Variants in DNM3 observed in about 807,000 individuals in gnomAD.
DNM3 encodes dynamin-3.
In DNM3, 47 loss-of-function variants were observed where a neutral mutation model predicts 101.6. That is an observed-to-expected ratio of 0.46 (90% confidence interval 0.37 to 0.59). The LOEUF (loss-of-function observed/expected upper bound fraction) is 0.59, where lower values mean the gene tolerates loss of function less well. DNM3 is among the 20% of genes least tolerant of loss of function. The pLI, the probability that DNM3 is intolerant of heterozygous loss-of-function variation, is 0.00. For missense variants in DNM3, 849 were observed against 1,085.7 expected, an observed-to-expected ratio of 0.78 and a Z score of 3.06; for synonymous variants, 385 against 387.9, an observed-to-expected ratio of 0.99 and a Z score of 0.09.
At chr1:172,050,835 A>G (rs971139861) in intron 10 of DNM3, among the ~76,000 whole-genome samples, 1 of 152,194 alleles carries the variant, frequency 6.6e-6, no homozygotes, top group Non-Finnish European at 1.5e-5. Flanking sequence ...ACATGTGTGG[A>G]CATTTATGTT....
intron 14 of DNM3, among the ~76,000 whole-genome samples, chr1:172,214,045 G>A (rs765338444): frequency 6.6e-6 from 1 of 152,062 alleles, no homozygotes; most frequent in Non-Finnish European, 1.5e-5. Context: ...AACTGCCAAA[G>A]GAATCACTTA....
intron 1 of DNM3, among the ~76,000 whole-genome samples, chr1:171,894,469 A>G (rs2037591083): frequency 6.6e-6 from 1 of 151,594 alleles, no homozygotes; most frequent in South Asian, 2.1e-4. Flanking sequence ...CAGTGGCATG[A>G]TCTCGGCTCA....
intron 14 of DNM3, among the ~76,000 whole-genome samples, chr1:172,135,126 G>A (rs2057144851): frequency 6.6e-6 from 1 of 152,086 alleles, no homozygotes; most frequent in Admixed American, 6.6e-5. Flanking sequence ...TGAGTTGTTG[G>A]AATTTGATAA....
intron 1 of DNM3, among the ~76,000 whole-genome samples, chr1:171,874,798 T>C (rs2035609570): frequency 6.6e-6 from 1 of 151,468 alleles, no homozygotes; most frequent in Non-Finnish European, 1.5e-5. Flanking sequence ...ATCCAGTAGG[T>C]AGTTTTTCAG....
chr1:172,117,460 G>A (rs1409684638), intron 13 of DNM3, among the ~76,000 whole-genome samples: 1 of 152,308 alleles, frequency 6.6e-6, no homozygotes, highest in Admixed American at 6.5e-5. Context: ...ATGATAGTGA[G>A]TAAGTCTCTC....
chr1:171,943,238 C>A (rs1174492974), intron 2 of DNM3, among the ~76,000 whole-genome samples: 8 of 152,216 alleles, frequency 5.3e-5, no homozygotes, highest in Admixed American at 6.5e-5. Context: ...ATAGGAAATT[C>A]TTGTTTTTGT....
intron 17 of DNM3, among the ~76,000 whole-genome samples, chr1:172,373,427 A>T (rs1188283439): frequency 6.6e-6 from 1 of 152,140 alleles, no homozygotes; most frequent in Non-Finnish European, 1.5e-5. Context: ...CTTACACCTC[A>T]CGTAATACTT....
At chr1:172,046,886 A>G (rs1024816633) in intron 9 of DNM3, among the ~76,000 whole-genome samples, 1 of 152,162 alleles carries the variant, frequency 6.6e-6, no homozygotes, top group African/African-American at 2.4e-5. Context: ...CAAATACAGT[A>G]TTTTTACTTC....
intron 2 of DNM3, among the ~76,000 whole-genome samples, chr1:171,927,292 T>C (rs1473103879): frequency 6.6e-6 from 1 of 152,214 alleles, no homozygotes; most frequent in Non-Finnish European, 1.5e-5. Context: ...GTCGCATAAA[T>C]AAACCCATGT....
intron 10 of DNM3, among the ~76,000 whole-genome samples, chr1:172,061,337 C>G (rs1037200324): frequency 4.2e-5 from 6 of 144,010 alleles, no homozygotes; most frequent in African/African-American, 1.6e-4. Context: ...ACCCAGCCAT[C>G]CCATTACTGG....
intron 1 of DNM3, among the ~76,000 whole-genome samples, chr1:171,895,629 G>A (rs1430451050): frequency 6.6e-6 from 1 of 152,106 alleles, no homozygotes. Flanking sequence ...CTGTGCAGAA[G>A]CTCTTTAGTT....
intron 2 of DNM3, among the ~76,000 whole-genome samples, chr1:171,966,928 C>T (rs143029130): frequency 1.2e-3 from 179 of 152,222 alleles, no homozygotes; most frequent in African/African-American, 4.1e-3. Flanking sequence ...GTCATTGAGT[C>T]GTAGTTTTCT....
At chr1:172,263,279 G>T (rs2062735894) in intron 15 of DNM3, among the ~76,000 whole-genome samples, 1 of 152,156 alleles carries the variant, frequency 6.6e-6, no homozygotes. Flanking sequence ...CTCTCAACAA[G>T]TATTTATTCT....
intron 10 of DNM3, among the ~76,000 whole-genome samples, chr1:172,055,781 T>G (rs148377486): frequency 6.6e-6 from 1 of 152,344 alleles, no homozygotes; most frequent in African/African-American, 2.4e-5. Flanking sequence ...CTTTTAGGTT[T>G]ATATAGATGT....
chr1:172,176,809 A>T (rs1449328963), intron 14 of DNM3, among the ~76,000 whole-genome samples: 1 of 151,846 alleles, frequency 6.6e-6, no homozygotes, highest in African/African-American at 2.4e-5. Flanking sequence ...TCAGTGGGGA[A>T]CCCCAGAAAG....
Position 172,408,398 on chromosome 1 carries a change from T to G in DNM3, c.*557T>G. On this transcript the variant is annotated 3_prime_UTR_variant, in exon 21 of 21. Transcript: ENST00000627582. ...TTAGGACTCCTTAAGAATAAACTTT[T>G]CCAGAAGCACGAGGTAGTTTGCAAA... The G allele has an allele frequency of 1.0e-6, 1 of 985,928 alleles. No individual in the cohort carries two copies. Among genetic ancestry groups the G allele is most frequent in the Non-Finnish European group, 1.2e-6 (1 of 830,290 alleles). The allele number at this position is 985,928 out of a possible 1,614,324, so 61.1% of individuals were successfully genotyped here. A position where few individuals can be genotyped will look rare whatever the true frequency, so the allele number is the denominator to read the frequency against.
rs531680125 is a variant in DNM3, at chr1:172,071,681, A to G, written c.1422+2776A>G. ...TATGGAAAGCCATAAATCTGTCTGT[A>G]GCTTTTTCTTAAACAAAGGTTTTTT... On this transcript the variant is annotated intron_variant, in intron 11 of 20. Coordinates refer to ENST00000627582, the MANE Select transcript of DNM3 (RefSeq NM_015569.5). 4.6e-5 allele frequency among the ~76,000 whole-genome samples: 7 copies of G among 152,326 alleles called. No individual in the cohort carries two copies. The East Asian group carries it at 1.3e-3, about 29-fold the overall frequency.
At chr1:171,959,068 T>C (rs1467913174) in intron 2 of DNM3, among the ~76,000 whole-genome samples, 1 of 152,060 alleles carries the variant, frequency 6.6e-6, no homozygotes, top group Non-Finnish European at 1.5e-5. Flanking sequence ...TGGTTAGAGA[T>C]GCACAGGTAT....
chr1:172,250,093 T>A (rs1238254657), intron 14 of DNM3, among the ~76,000 whole-genome samples: 1 of 152,094 alleles, frequency 6.6e-6, no homozygotes, highest in Non-Finnish European at 1.5e-5. Flanking sequence ...CACTTATAAA[T>A]TGAAGCTGTC....
Sources: allele counts gnomAD v4.1 joint callset (sites outside exome capture counted in the v4.1 genomes callset), GRCh38; gene constraint gnomAD v4.1.1; transcripts MANE v1.5; gene names NCBI Gene and HGNC (gene_info 2026-07-23, HGNC 2026-07-21).